Variants in DLG1 observed in about 807,000 individuals in gnomAD.
DLG1 encodes the protein disks large homolog 1.
In DLG1, 42 loss-of-function variants were observed where a neutral mutation model predicts 123.4. That is an observed-to-expected ratio of 0.34 (90% confidence interval 0.27 to 0.44). The LOEUF is 0.44. DLG1 is among the 20% of genes least tolerant of loss of function. The pLI is 1.00. For synonymous variants in DLG1, 317 were observed against 356.2 expected (o/e 0.89, Z 1.24); for missense variants, 942 against 1,082.6 (o/e 0.87, Z 1.82).
rs1042788078 is a variant in DLG1, at chr3:197,219,130, C to CA, written c.319-24542dup. The stretch of plus-strand genomic sequence containing the variant: ...GGGCGACAAGAGTGACACTTGGACT[C>CA]AAAAAAAAAGAAGAAAAAAAAAAGA... On this transcript the variant is annotated intron_variant, in intron 4 of 24. Transcript: ENST00000667157. Among the ~76,000 whole-genome samples, 27 of 144,456 alleles carry CA rather than the reference C, an allele frequency of 1.9e-4. 1 individual carries two copies. The highest frequency in any genetic ancestry group is 3.4e-4 in the Admixed American group (5 of 14,494). The allele number at this position is 144,456 out of a possible 152,430, so 94.8% of individuals were successfully genotyped here. A position where few individuals can be genotyped will look rare whatever the true frequency, so the allele number is the denominator to read the frequency against.
At chr3:197,080,361 C>G (rs1750247513) in intron 17 of DLG1, 1 of 136,436 alleles carries the variant, frequency 7.3e-6, no homozygotes, top group Admixed American at 8.3e-5. Flanking sequence ...TCACTACTGC[C>G]TGGACCTCCT....
intron 13 of DLG1, among the ~76,000 whole-genome samples, chr3:197,113,030 T>C (rs974080110): frequency 1.3e-5 from 2 of 152,240 alleles, no homozygotes; most frequent in Non-Finnish European, 2.9e-5. Flanking sequence ...CTGAGTTTTA[T>C]ATTTAGATCT....
chr3:197,163,192 CA>C (rs1799531068), intron 5 of DLG1, among the ~76,000 whole-genome samples: 1 of 152,058 alleles, frequency 6.6e-6, no homozygotes, highest in African/African-American at 2.4e-5. Context: ...TAAAACAAAA[CA>C]AAAAACAAAG....
At chr3:197,267,532 T>G (rs1208178531) in intron 4 of DLG1, among the ~76,000 whole-genome samples, 1 of 150,196 alleles carries the variant, frequency 6.7e-6, no homozygotes, top group Admixed American at 6.7e-5. Context: ...CCTTCTCTTC[T>G]TAGCTAAGCT....
intron 4 of DLG1, among the ~76,000 whole-genome samples, chr3:197,259,147 G>A (rs998114047): frequency 1.3e-5 from 2 of 151,646 alleles, no homozygotes; most frequent in South Asian, 4.2e-4. Context: ...AACCAACATA[G>A]ACAACCATGA....
chr3:197,138,245 A>C lies in DLG1; in HGVS notation c.860T>G (p.Ile287Arg). Residue 287 changes from isoleucine (I) to arginine (R), a missense_variant, in exon 9 of 25, where the codon ATA (isoleucine) becomes AGA (arginine). Coordinates refer to ENST00000667157, the MANE Select transcript of DLG1 (RefSeq NM_001366207.1). ...ACCTTTAGGACCTTTAATGAGCTTT[A>C]TTTCCATTATTTTTTCTGACACTGG... is the stretch of plus-strand genomic sequence containing the variant. ...RKPVSEKIME[I>R]KLIKGPKGLG... 1 of 1,600,018 alleles carries C rather than the reference A, an allele frequency of 6.2e-7. No individual in the cohort carries two copies. The highest frequency in any genetic ancestry group is 1.1e-5 in the South Asian group (1 of 89,404).
chr3:197,137,982 AC>A (rs199534893), intron 9 of DLG1, among the ~76,000 whole-genome samples: 2 of 151,264 alleles, frequency 1.3e-5, no homozygotes, highest in African/African-American at 2.4e-5. Flanking sequence ...AAAAAAACAA[AC>A]AAAAAAACCC....
intron 4 of DLG1, among the ~76,000 whole-genome samples, chr3:197,261,448 C>G (rs1418621312): frequency 2.0e-5 from 3 of 152,294 alleles, no homozygotes; most frequent in Middle Eastern, 6.8e-3. Context: ...TCTGTAAAAA[C>G]CTTTAAAATC....
chr3:197,273,862 A>AAAAAAC (rs1553804497), intron 4 of DLG1, among the ~76,000 whole-genome samples: 4 of 150,602 alleles, frequency 2.7e-5, no homozygotes, highest in African/African-American at 9.7e-5. Context: ...AAAAAAAAAA[A>AAAAAAC]AAACCAAAAC....
chr3:197,297,607 A>C (rs1778118556), intron 1 of DLG1: 1 of 1,015,486 alleles, frequency 9.8e-7, no homozygotes, highest in Non-Finnish European at 1.2e-6. Context: ...CAGCGGCCGC[A>C]GAGCGCTGAG....
intron 18 of DLG1, chr3:197,069,738 G>A (rs1742308356): frequency 6.6e-6 from 1 of 152,292 alleles, no homozygotes; most frequent in South Asian, 2.1e-4. Flanking sequence ...TCCTGTTTCT[G>A]AAGATGAAAA....
rs564650721 is a variant in DLG1 at position 197,060,019 on chromosome 3, A to T, written c.2374-21T>A. 2.3e-5 allele frequency: 36 copies of T among 1,569,288 alleles called. No individual in the cohort carries two copies. In the African/African-American group the frequency reaches 4.4e-4, roughly 19 times the overall value. On this transcript the variant is annotated intron_variant, in intron 22 of 24. Transcript: ENST00000667157. ...TTGCCCTAAAATAAAGGGAACAAAG[A>T]AAAAAAACAAGTGAGCCAAATATTC...
At chr3:197,242,715 G>C (rs1342240131) in intron 4 of DLG1, among the ~76,000 whole-genome samples, 2 of 152,024 alleles carry the variant, frequency 1.3e-5, no homozygotes, top group East Asian at 3.9e-4. Flanking sequence ...TTAAAAACTT[G>C]AAACAAATGA....
chr3:197,189,149 T>C (rs1422476186), intron 5 of DLG1, among the ~76,000 whole-genome samples: 1 of 152,232 alleles, frequency 6.6e-6, no homozygotes, highest in African/African-American at 2.4e-5. Context: ...ATCTGACTTC[T>C]GGTAATCCAT....
intron 3 of DLG1, among the ~76,000 whole-genome samples, chr3:197,289,787 A>G (rs1773929860): frequency 6.6e-6 from 1 of 152,262 alleles, no homozygotes; most frequent in Non-Finnish European, 1.5e-5. Flanking sequence ...AAGAAAGAAT[A>G]TCCTATAAAA....
chr3:197,239,843 T>TAAAAAAAAAAAAAAAAA lies in DLG1; in HGVS notation c.318+42835_318+42836insTTTTTTTTTTTTTTTTT, dbSNP rs3035903. On this transcript the variant is annotated intron_variant, in intron 4 of 24. Coordinates refer to ENST00000667157, the MANE Select transcript of DLG1 (RefSeq NM_001366207.1). Reference sequence around the variant, plus strand: ...GACAGTTCAGGGGCCACAGAAAAGTTAAAAAAAAAAAAAAGAATTCTAGCA... The same window carrying TAAAAAAAAAAAAAAAAA: ...GACAGTTCAGGGGCCACAGAAAAGTTAAAAAAAAAAAAAAAAAAAAAAAAAAAAAAAGAATTCTAGCA... Among the ~76,000 whole-genome samples the TAAAAAAAAAAAAAAAAA allele has an allele frequency of 4.3e-4, 57 of 133,960 alleles. 2 individuals are homozygous for TAAAAAAAAAAAAAAAAA. Among genetic ancestry groups the TAAAAAAAAAAAAAAAAA allele is most frequent in the African/African-American group, 1.5e-3 (54 of 34,958 alleles). 87.9% of individuals were successfully genotyped at this position (133,960 alleles called of 152,430 possible). A position where few individuals can be genotyped will look rare whatever the true frequency, so the allele number is the denominator to read the frequency against.
intron 13 of DLG1, among the ~76,000 whole-genome samples, chr3:197,113,352 A>C (rs1771171171): frequency 6.6e-6 from 1 of 152,196 alleles, no homozygotes; most frequent in South Asian, 2.1e-4. Context: ...CAATTAAAGA[A>C]GAGGGCATTT....
intron 4 of DLG1, among the ~76,000 whole-genome samples, chr3:197,233,247 T>C (rs1452466468): frequency 6.6e-6 from 1 of 152,118 alleles, no homozygotes; most frequent in African/African-American, 2.4e-5. Context: ...ACTCATACAC[T>C]GAAAGTTATA....
intron 8 of DLG1, among the ~76,000 whole-genome samples, chr3:197,138,956 A>G (rs1380950875): frequency 6.6e-6 from 1 of 152,210 alleles, no homozygotes; most frequent in African/African-American, 2.4e-5. Flanking sequence ...TAGTGTGAAA[A>G]CTGAGATAAA....
Sources: gnomAD v4.1 joint callset for allele counts (sites outside exome capture counted in the v4.1 genomes callset) on GRCh38, gnomAD v4.1.1 for gene constraint, MANE v1.5 for transcripts, NCBI Gene and HGNC (gene_info 2026-07-23, HGNC 2026-07-21) for gene names.